The following NRCAM variants were observed in gnomAD, a reference collection of about 807,000 sequenced individuals.
NRCAM encodes neuronal cell adhesion molecule.
A neutral mutation model predicts 156.5 loss-of-function variants in NRCAM; 83 were observed. The observed-to-expected ratio is 0.53, with a 90% confidence interval of 0.44 to 0.64. The LOEUF is 0.64. Among genes scored for constraint, NRCAM ranks in the 30% least tolerant of loss-of-function variants. The probability of loss-of-function intolerance (pLI) is 0.00; values close to 1 mark genes in which losing one functional copy is unlikely to be tolerated. For synonymous variants in NRCAM, 538 were observed against 563.9 expected (o/e 0.95, Z 0.65); for missense variants, 1,417 against 1,597.3 (o/e 0.89, Z 1.92).
intron 1 of NRCAM, among the ~76,000 whole-genome samples, chr7:108,432,941 A>G (rs1057082221): frequency 2.8e-5 from 4 of 145,398 alleles, no homozygotes; most frequent in African/African-American, 9.9e-5. Flanking sequence ...AGAAAGAGAA[A>G]GAGAAGGAGA....
chr7:108,257,115 AAAG>A (rs143085797), intron 3 of NRCAM, among the ~76,000 whole-genome samples: 3,039 of 151,942 alleles, frequency 0.02, 92 homozygotes, highest in African/African-American at 0.061. Context: ...AAAGAAAAGA[AAAG>A]AAGAGAAAGG....
intron 20 of NRCAM, among the ~76,000 whole-genome samples, chr7:108,185,107 G>A (rs181861130): frequency 1.3e-5 from 2 of 152,032 alleles, no homozygotes; most frequent in East Asian, 3.9e-4. Flanking sequence ...AAACATATTG[G>A]CAATAATCAA....
intron 1 of NRCAM, among the ~76,000 whole-genome samples, chr7:108,434,881 TAAAC>T (rs1409046328): frequency 6.6e-6 from 1 of 152,018 alleles, no homozygotes; most frequent in East Asian, 1.9e-4. Context: ...AACAAGTTAC[TAAAC>T]AAACAATAGC....
At chr7:108,194,623 T>A (rs1165576580) in intron 15 of NRCAM, among the ~76,000 whole-genome samples, 195 bp from the exon 16 acceptor site, 1 of 152,142 alleles carries the variant, frequency 6.6e-6, no homozygotes, top group Non-Finnish European at 1.5e-5. Flanking sequence ...AGAGGAGAAG[T>A]GAAACGGATG....
chr7:108,241,401 T>C (rs1211951717), intron 3 of NRCAM, among the ~76,000 whole-genome samples: 2 of 152,230 alleles, frequency 1.3e-5, no homozygotes, highest in Non-Finnish European at 2.9e-5. Context: ...GGTTTAATCA[T>C]GTCCTCTCAT....
chr7:108,270,359 C>G (rs2097297509), intron 3 of NRCAM, among the ~76,000 whole-genome samples: 1 of 152,146 alleles, frequency 6.6e-6, no homozygotes, highest in Non-Finnish European at 1.5e-5. Flanking sequence ...CTTCAAGGTT[C>G]CCTTCTTGTG....
intron 22 of NRCAM, 105 bp downstream of exon 22, chr7:108,184,136 T>C (rs933581552): frequency 3.3e-5 from 22 of 662,224 alleles, no homozygotes; most frequent in Middle Eastern, 3.4e-4. Context: ...ATATTTTTTT[T>C]CCCCAGAAAT....
At chr7:108,454,557 T>C (rs1039792181) in intron 1 of NRCAM, among the ~76,000 whole-genome samples, 3 of 152,236 alleles carry the variant, frequency 2.0e-5, no homozygotes, top group Non-Finnish European at 4.4e-5. Context: ...ATCGTTACCA[T>C]TAAAGCAGCA....
At chr7:108,241,226 C>A (rs1163515940) in intron 3 of NRCAM, among the ~76,000 whole-genome samples, 1 of 152,174 alleles carries the variant, frequency 6.6e-6, no homozygotes, top group Non-Finnish European at 1.5e-5. Context: ...CTCTCTACTC[C>A]TCCAGGAAAG....
intron 3 of NRCAM, among the ~76,000 whole-genome samples, chr7:108,273,394 T>A (rs2097452497): frequency 6.6e-6 from 1 of 152,220 alleles, no homozygotes; most frequent in Admixed American, 6.5e-5. Context: ...TTTCTCTACA[T>A]CCTCTCCAGA....
At chr7:108,416,307 T>C (rs566015899) in intron 1 of NRCAM, among the ~76,000 whole-genome samples, 2 of 152,344 alleles carry the variant, frequency 1.3e-5, no homozygotes, top group African/African-American at 4.8e-5. Flanking sequence ...TCTATTTTAA[T>C]CAGCATATTA....
In NRCAM at chr7:108,380,920, AG is replaced by A. The variant is rs1196665383; in HGVS notation, c.-174+18515del. Reference sequence around the variant, plus strand: ...TGTAATATCCCATTTCATAATAAAAAGAAGTCAGCCATGGTGGCTCATGCCT... The same window carrying A: ...TGTAATATCCCATTTCATAATAAAAAAAGTCAGCCATGGTGGCTCATGCCT... On this transcript the variant is annotated intron_variant, in intron 2 of 32. Coordinates refer to ENST00000379028, the MANE Select transcript of NRCAM (RefSeq NM_001037132.4). Among the ~76,000 whole-genome samples, 6 of 152,320 alleles carry A rather than the reference AG, an allele frequency of 3.9e-5. No individual in the cohort carries two copies. The South Asian group carries it at 1.2e-3, about 32-fold the overall frequency.
intron 1 of NRCAM, among the ~76,000 whole-genome samples, chr7:108,443,414 T>C (rs1840776331): frequency 6.6e-6 from 1 of 152,172 alleles, no homozygotes; most frequent in Non-Finnish European, 1.5e-5. Context: ...GACAATTCTG[T>C]TTCTCCAAAT....
At chr7:108,195,671 T>C in intron 15 of NRCAM, 90 bp downstream of exon 15, 1 of 687,874 alleles carries the variant, frequency 1.5e-6, no homozygotes, top group Admixed American at 2.8e-5. Context: ...CTTTCCCTGT[T>C]TGTTTTTTGA....
At chr7:108,177,636 T>TG (rs1389086097) in intron 26 of NRCAM, among the ~76,000 whole-genome samples, 6 of 13,136 alleles carry the variant, frequency 4.6e-4, no homozygotes, top group African/African-American at 1.7e-3. Flanking sequence ...TATATATATA[T>TG]ATATATATAT....
At chr7:108,199,225 T>C (rs766629944) in intron 13 of NRCAM, among the ~76,000 whole-genome samples, 2 of 149,934 alleles carry the variant, frequency 1.3e-5, no homozygotes, top group Non-Finnish European at 3.0e-5. Context: ...GTATTTAGAC[T>C]CTTTTATCAC....
At chr7:108,298,018 T>C (rs2098485332) in intron 3 of NRCAM, among the ~76,000 whole-genome samples, 2 of 152,198 alleles carry the variant, frequency 1.3e-5, no homozygotes, top group Non-Finnish European at 1.5e-5. Context: ...CCAGTCCACC[T>C]GCAGCAGAGT....
chr7:108,195,806 A>G lies in NRCAM; in HGVS notation c.1418T>C (p.Leu473Ser). 1 of 1,613,646 alleles carries G rather than the reference A, an allele frequency of 6.2e-7. No homozygotes were observed. The highest frequency in any genetic ancestry group is 8.5e-7 in the Non-Finnish European group (1 of 1,179,666). The change falls in exon 15 of 33, where the codon TTA becomes TCA. Residue 473 changes from leucine (L) to serine (S), a missense_variant. Around this residue, in one of 2 missense-constraint regions of NRCAM, gnomAD observed 1,238 missense variants for 1,336.4 expected, o/e 0.93. Transcript: ENST00000379028. The stretch of plus-strand genomic sequence containing the variant: ...AGACCCAAAGAAGGCACAGTCTAGT[A>G]AAGCAGGCCTGTTTGCAATGACCTG... ...LYQVIANRPALLDCAFFGSPL... is the reference protein window; with the variant it reads ...LYQVIANRPASLDCAFFGSPL...
At chr7:108,425,351 C>T (rs6466229) in intron 1 of NRCAM, among the ~76,000 whole-genome samples, 136,771 of 152,218 alleles carry the variant, frequency 0.9, 61,925 homozygotes, top group East Asian at 1. Context: ...TACATGGAGA[C>T]TGACACCCCT....
Sources: allele counts gnomAD v4.1 joint callset (sites outside exome capture counted in the v4.1 genomes callset), GRCh38; gene constraint gnomAD v4.1.1; regional missense constraint gnomAD v4.1.1; transcripts MANE v1.5; gene names NCBI Gene and HGNC (gene_info 2026-07-23, HGNC 2026-07-21).